Variants in CORO1C observed in about 807,000 individuals in gnomAD.
CORO1C encodes the protein coronin 1C, also known as coronin-1C.
Under a neutral mutation model 51.2 loss-of-function variants are expected in CORO1C, and 14 were observed. The observed-to-expected ratio is 0.27, with a 90% CI of 0.18 to 0.43. CORO1C has a LOEUF of 0.43. CORO1C is among the 20% of genes least tolerant of loss of function. CORO1C has a pLI of 1.00. For synonymous variants in CORO1C, 181 were observed against 210.5 expected (o/e 0.86, Z 1.21); for missense variants, 417 against 607.8 (o/e 0.69, Z 3.30).
At chr12:108,716,085 C>T (rs1014210075) in intron 1 of CORO1C, among the ~76,000 whole-genome samples, 1 of 127,808 alleles carries the variant, frequency 7.8e-6, no homozygotes, top group Non-Finnish European at 1.6e-5. Context: ...GAGCCAAGAT[C>T]GCCACTGCAC....
intron 3 of CORO1C, among the ~76,000 whole-genome samples, chr12:108,673,216 G>C (rs1169412575): frequency 6.6e-6 from 1 of 152,192 alleles, no homozygotes; most frequent in African/African-American, 2.4e-5. Context: ...CTACTCCAGT[G>C]AACACATGAA....
At chr12:108,689,124 C>T (rs963449840) in intron 2 of CORO1C, among the ~76,000 whole-genome samples, 6 of 150,960 alleles carry the variant, frequency 4.0e-5, no homozygotes, top group Admixed American at 1.3e-4. Flanking sequence ...CACTTGAACC[C>T]GGAAGGCGGA....
intron 1 of CORO1C, among the ~76,000 whole-genome samples, chr12:108,729,915 G>A (rs1025079444): frequency 6.6e-6 from 1 of 152,156 alleles, no homozygotes; most frequent in Non-Finnish European, 1.5e-5. Context: ...AGAACGTTCT[G>A]CCAGATAAGG....
Position 108,657,313 on chromosome 12 carries a change from G to C in CORO1C, c.741C>G (p.Leu247=), listed in dbSNP as rs535985851. The C allele has an allele frequency of 4.3e-6, 7 of 1,613,878 alleles. No individual in the cohort carries two copies. The South Asian group carries it at 5.5e-5, about 13-fold the overall frequency. ...FSRMSERQLA[L]WNPKNMQEPI... is the part of the protein sequence containing the mutation. ...CCTGGGGAGGGCGTACCGGATTCCAGAGAGCCAGCTGCCGCTCGCTCATGC... is the reference window on the plus strand; with the variant it reads ...CCTGGGGAGGGCGTACCGGATTCCACAGAGCCAGCTGCCGCTCGCTCATGC... The change falls in exon 6 of 11, where the codon CTC becomes CTG. Residue 247 remains leucine, a synonymous_variant. Transcript: ENST00000261401.
At chr12:108,722,540 T>C (rs2035496393) in intron 1 of CORO1C, among the ~76,000 whole-genome samples, 2 of 152,200 alleles carry the variant, frequency 1.3e-5, no homozygotes, top group Admixed American at 6.5e-5. Context: ...ACTATCACCA[T>C]AAACAATTTC....
chr12:108,713,079 C>G (rs929477039), intron 1 of CORO1C, among the ~76,000 whole-genome samples: 4 of 151,768 alleles, frequency 2.6e-5, no homozygotes, highest in African/African-American at 7.3e-5. Context: ...ATGAGACATT[C>G]CAAGAAAAAA....
intron 1 of CORO1C, among the ~76,000 whole-genome samples, chr12:108,705,206 T>C (rs546899073): frequency 6.6e-6 from 1 of 152,174 alleles, no homozygotes; most frequent in South Asian, 2.1e-4. Context: ...AGGCCGGGCA[T>C]GGTGGCTCAC....
intron 1 of CORO1C, among the ~76,000 whole-genome samples, chr12:108,728,582 G>T (rs1018816835): frequency 6.6e-6 from 1 of 152,106 alleles, no homozygotes; most frequent in Non-Finnish European, 1.5e-5. Flanking sequence ...CACTTTAAAC[G>T]GGTGAACTGT....
rs769507594 is a variant in CORO1C at position 108,662,076 on chromosome 12, C to T, written c.401G>A (p.Gly134Asp). Residue 134 changes from glycine to aspartate, a missense_variant, in exon 4 of 11, where the codon GGC (glycine) becomes GAC (aspartate). Physicochemically the swap from Gly to Asp is moderately conservative, Grantham distance 94 (BLOSUM62 -1). Transcript: ENST00000261401. Reference protein sequence around the residue: ...VILEGHSKRVGIVAWHPTARN... With the variant: ...VILEGHSKRVDIVAWHPTARN... Reference sequence around the variant, plus strand: ...GGCCGTTGGATGCCAAGCCACGATGCCGACTCTCTTTGAGTGGCCTTCCAA... The same window carrying T: ...GGCCGTTGGATGCCAAGCCACGATGTCGACTCTCTTTGAGTGGCCTTCCAA... 1 of 1,614,134 alleles carries T rather than the reference C, an allele frequency of 6.2e-7. No homozygotes were observed. Among genetic ancestry groups the T allele is most frequent in the East Asian group, 2.2e-5 (1 of 44,886 alleles).
intron 2 of CORO1C, among the ~76,000 whole-genome samples, chr12:108,683,418 CA>C (rs372937354): frequency 0.049 from 4,185 of 84,594 alleles, 165 homozygotes; most frequent in African/African-American, 0.15. Context: ...GACTCTGTCT[CA>C]AAAAAAAAAA....
chr12:108,691,171 A>C (rs2034482292), intron 2 of CORO1C, among the ~76,000 whole-genome samples: 1 of 151,878 alleles, frequency 6.6e-6, no homozygotes, highest in African/African-American at 2.4e-5. Flanking sequence ...TGCAGTATAG[A>C]CTCAATTCAG....
chr12:108,656,285 A>C (rs2032994951), intron 6 of CORO1C, among the ~76,000 whole-genome samples: 1 of 137,446 alleles, frequency 7.3e-6, no homozygotes, highest in Non-Finnish European at 1.5e-5. Flanking sequence ...TCCGGGAGGG[A>C]GGTGGGGGCT....
At chr12:108,685,569 C>T (rs776200455) in intron 2 of CORO1C, among the ~76,000 whole-genome samples, 2 of 151,238 alleles carry the variant, frequency 1.3e-5, no homozygotes, top group Non-Finnish European at 2.9e-5. Flanking sequence ...ACCAACCATA[C>T]TAGATTTGGA....
At chr12:108,694,897 G>A (rs147485504) in intron 2 of CORO1C, among the ~76,000 whole-genome samples, 2 of 152,308 alleles carry the variant, frequency 1.3e-5, no homozygotes, top group East Asian at 3.9e-4. Flanking sequence ...CTAACATTAT[G>A]AGTCACGTAA....
In CORO1C at chr12:108,648,001, C is replaced by T. The variant is rs536212579; in HGVS notation, c.1306-479G>A. On this transcript the variant is annotated intron_variant, in intron 10 of 10. Transcript: ENST00000261401. Reference sequence around the variant, plus strand: ...CCCTTGCCCTGTGTGTCCACTCCTTCTCTCTTACCCAGGACCTGCTCTCCC... The same window carrying T: ...CCCTTGCCCTGTGTGTCCACTCCTTTTCTCTTACCCAGGACCTGCTCTCCC... Among the ~76,000 whole-genome samples, 3 of 152,314 alleles carry T rather than the reference C, an allele frequency of 2.0e-5. No homozygotes were observed. The South Asian group carries it at 6.2e-4, about 32-fold the overall frequency.
chr12:108,706,471 G>A (rs562836348), intron 1 of CORO1C, among the ~76,000 whole-genome samples: 1 of 152,236 alleles, frequency 6.6e-6, no homozygotes, highest in South Asian at 2.1e-4. Flanking sequence ...ATTCAGATTG[G>A]AAAGAAAGAA....
chr12:108,657,489 G>C (rs1227208184), intron 5 of CORO1C, 66 bp from the exon 6 acceptor site: 2 of 1,567,572 alleles, frequency 1.3e-6, no homozygotes, highest in South Asian at 1.2e-5. Context: ...GGAGAAACTC[G>C]GGCACAGATC....
chr12:108,652,569 T>C (rs980421636), intron 7 of CORO1C, 152 bp from the exon 8 acceptor site: 2 of 630,398 alleles, frequency 3.2e-6, no homozygotes, highest in Non-Finnish European at 5.6e-6. Context: ...GCCTAAAGCA[T>C]ATAAAAGTTT....
chr12:108,683,803 T>C (rs1222862438), intron 2 of CORO1C, among the ~76,000 whole-genome samples: 1 of 152,136 alleles, frequency 6.6e-6, no homozygotes, highest in Non-Finnish European at 1.5e-5. Context: ...CAGATGGTTT[T>C]ACAGGTGAGT....
Sources: gnomAD v4.1 joint callset for allele counts (sites outside exome capture counted in the v4.1 genomes callset) on GRCh38, gnomAD v4.1.1 for gene constraint, MANE v1.5 for transcripts, NCBI Gene and HGNC (gene_info 2026-07-23, HGNC 2026-07-21) for gene names.